EP300: variants seen among roughly 807,000 people sequenced by gnomAD.
The protein encoded by EP300 is histone acetyltransferase p300.
EP300 carries 31 observed loss-of-function variants against 264.0 expected under a neutral mutation model. The ratio of observed to expected loss-of-function variants is 0.12; its 90% CI spans 0.09 to 0.16. EP300 has a LOEUF of 0.16. Ranked by LOEUF, EP300 falls within the 10% of genes least tolerant of loss-of-function variation. The pLI, the probability that EP300 is intolerant of heterozygous loss-of-function variation, is 1.00. For missense variants in EP300, 2,766 were observed against 3,052.9 expected (o/e 0.91, Z 2.21); for synonymous variants, 1,340 against 1,045.4 (o/e 1.28, Z -5.44).
At chr22:41,136,817 T>C (rs2058953590) in intron 7 of EP300, among the ~76,000 whole-genome samples, 1 of 152,054 alleles carries the variant, frequency 6.6e-6, no homozygotes, top group Non-Finnish European at 1.5e-5. Flanking sequence ...CCCAGCACTT[T>C]GGGAGGCCGA....
At chr22:41,114,172 T>G (rs1160950116) in intron 1 of EP300, among the ~76,000 whole-genome samples, 2 of 150,378 alleles carry the variant, frequency 1.3e-5, no homozygotes, top group African/African-American at 4.9e-5. Flanking sequence ...CATTTGGGTA[T>G]TTGTTGTTGT....
Position 41,126,024 on chromosome 22 carries a change from G to A in EP300, c.890G>A (p.Gly297Glu), listed in dbSNP as rs910835301. 8 of 1,614,132 alleles carry A rather than the reference G, an allele frequency of 5.0e-6. No individual in the cohort carries two copies. The highest frequency in any genetic ancestry group is 6.8e-6 in the Non-Finnish European group (8 of 1,180,016). Reference sequence around the variant, plus strand: ...ATGGACAAAAAGGCAGTTCCTGGTGGAGGAATGCCCAACATGGTGAGTACT... The same window carrying A: ...ATGGACAAAAAGGCAGTTCCTGGTGAAGGAATGCCCAACATGGTGAGTACT... ...FAMDKKAVPGGGMPNMGQQPA... is the reference protein window; with the variant it reads ...FAMDKKAVPGEGMPNMGQQPA... Residue 297 changes from glycine to glutamate, a missense_variant, in exon 3 of 31, where the codon GGA becomes GAA. Coordinates refer to ENST00000263253, the MANE Select transcript of EP300 (RefSeq NM_001429.4).
At chr22:41,109,392 T>C (rs1269497724) in intron 1 of EP300, among the ~76,000 whole-genome samples, 1 of 152,180 alleles carries the variant, frequency 6.6e-6, no homozygotes, top group Non-Finnish European at 1.5e-5. Context: ...GATTACTGCT[T>C]GATGAACTCT....
intron 1 of EP300, among the ~76,000 whole-genome samples, chr22:41,099,357 A>G (rs1004784724): frequency 7.9e-5 from 12 of 152,204 alleles, no homozygotes; most frequent in Admixed American, 5.2e-4. Context: ...GTGGATATAC[A>G]GTAGTCCCCC....
Position 41,178,954 on chromosome 22 carries a change from TAG to T in EP300, c.*2_*3del, listed in dbSNP as rs1385527956. ...CTCACAGAGTACACTAGACATACAC[TAG>T]AGACACCTTGTAGTATTTTGGGAGC... ...NLSQSTLDIH[*>X] On this transcript the variant is annotated frameshift_variant and stop_lost, in exon 31 of 31. Coordinates refer to ENST00000263253, the MANE Select transcript of EP300 (RefSeq NM_001429.4). LOFTEE classifies it high-confidence loss of function. 1.9e-6 allele frequency: 3 copies of T among 1,607,308 alleles called. No individual in the cohort carries two copies. Among genetic ancestry groups the T allele is most frequent in the East Asian group, 4.5e-5 (2 of 44,892 alleles).
At chr22:41,160,820 A>G (rs908026536) in intron 20 of EP300, 98 bp downstream of exon 20, 1 of 1,122,056 alleles carries the variant, frequency 8.9e-7, no homozygotes, top group African/African-American at 1.5e-5. Context: ...GCTGTTGAAT[A>G]TGGTAGCCAT....
rs746999540 is a variant in EP300 at position 41,152,292 on chromosome 22, C to T, written c.3084C>T (p.Asp1028=). ...ELKTEIKEEE[D]QPSTSATQSS... Reference sequence around the variant, plus strand: ...AAACTGAAATAAAAGAGGAGGAAGACCAGCCAAGTACTTCAGCTACCCAGT... The same window carrying T: ...AAACTGAAATAAAAGAGGAGGAAGATCAGCCAAGTACTTCAGCTACCCAGT... The change falls in exon 16 of 31, where the codon GAC becomes GAT. Residue 1028 remains aspartate (D), a synonymous_variant. Coordinates refer to ENST00000263253, the MANE Select transcript of EP300 (RefSeq NM_001429.4). 9 of 1,614,066 alleles carry T rather than the reference C, an allele frequency of 5.6e-6. No homozygotes were observed. The South Asian group carries it at 9.9e-5, about 18-fold the overall frequency.
intron 14 of EP300, among the ~76,000 whole-genome samples, chr22:41,151,325 A>G (rs1038638831): frequency 5.3e-5 from 8 of 152,198 alleles, no homozygotes; most frequent in Admixed American, 4.6e-4. Context: ...ACTTCTCATT[A>G]AGAGATTTCT....
chr22:41,170,787 G>GA (rs2059165518), intron 27 of EP300, among the ~76,000 whole-genome samples: 1 of 150,594 alleles, frequency 6.6e-6, no homozygotes, highest in South Asian at 2.1e-4. Flanking sequence ...TCAGCCTCCT[G>GA]AGTAGCTGGG....
At chr22:41,095,461 C>T (rs1227656051) in intron 1 of EP300, among the ~76,000 whole-genome samples, 2 of 151,674 alleles carry the variant, frequency 1.3e-5, no homozygotes, top group Non-Finnish European at 2.9e-5. Context: ...CGATCTCCTG[C>T]CCTCAAGTGA....
intron 1 of EP300, chr22:41,108,240 T>TTTTC (rs1372542226): frequency 4.1e-5 from 6 of 146,260 alleles, no homozygotes; most frequent in African/African-American, 1.6e-4. Context: ...TTCTTTTTCT[T>TTTTC]TTTCTTTTTT....
Position 41,092,652 on chromosome 22 carries a change from G to A in EP300, c.-353G>A, listed in dbSNP as rs1314403301. 8 of 632,064 alleles carry A rather than the reference G, an allele frequency of 1.3e-5. No homozygotes were observed. In the East Asian group the frequency reaches 2.2e-4, roughly 17 times the overall value. The allele number at this position is 632,064 out of a possible 1,614,324, so 39.2% of individuals were successfully genotyped here. A position where few individuals can be genotyped will look rare whatever the true frequency, so the allele number is the denominator to read the frequency against. On this transcript the variant is annotated 5_prime_UTR_variant, in exon 1 of 31. Coordinates refer to ENST00000263253, the MANE Select transcript of EP300 (RefSeq NM_001429.4). ...TGATGGCGGCGGCGGAGCTCCGAGA[G>A]ACCTCGGCTGGGCAGGGGCCGGCCG...
chr22:41,160,484 A>AT lies in EP300; in HGVS notation c.3591-157dup. ...AACCAAAACCCAAACTGTGGGGCCC[A>AT]TATATCTGCATCATTGAATGTCCTT... On this transcript the variant is annotated intron_variant, in intron 19 of 30. Transcript: ENST00000263253. 13 of 659,236 alleles carry AT rather than the reference A, an allele frequency of 2.0e-5. No individual in the cohort carries two copies. In the South Asian group the frequency reaches 2.1e-4, roughly 11 times the overall value. The allele number at this position is 659,236 out of a possible 1,614,324, so 40.8% of individuals were successfully genotyped here. A position where few individuals can be genotyped will look rare whatever the true frequency, so the allele number is the denominator to read the frequency against.
At chr22:41,167,819 T>TG (rs2059147906) in intron 23 of EP300, among the ~76,000 whole-genome samples, 1 of 41,510 alleles carries the variant, frequency 2.4e-5, no homozygotes, top group African/African-American at 9.3e-5. Flanking sequence ...TTTTTGTTTT[T>TG]TTTTTTGTTT....
At chr22:41,095,772 A>T (rs117904036) in intron 1 of EP300, among the ~76,000 whole-genome samples, 3,726 of 152,208 alleles carry the variant, frequency 0.024, 162 homozygotes, top group East Asian at 0.21. Context: ...AAACTTTTTT[A>T]AAAAAAGTGA....
chr22:41,178,987 A>G lies in EP300; in HGVS notation c.*31A>G, dbSNP rs938259978. ...CCTTGTAGTATTTTGGGAGCAAAAAAATTATTTTCTCTTAACAAGACTTTT... is the reference window on the plus strand; with the variant it reads ...CCTTGTAGTATTTTGGGAGCAAAAAGATTATTTTCTCTTAACAAGACTTTT... On this transcript the variant is annotated 3_prime_UTR_variant, in exon 31 of 31. Transcript: ENST00000263253. 3 of 1,611,334 alleles carry G rather than the reference A, an allele frequency of 1.9e-6. No homozygotes were observed. In the African/African-American group the frequency reaches 4.0e-5, roughly 22 times the overall value.
rs757772388 is a variant in EP300, at chr22:41,173,753, A to G, written c.4748A>G (p.Lys1583Arg). The G allele has an allele frequency of 6.2e-7, 1 of 1,614,198 alleles. No individual in the cohort carries two copies. The highest frequency in any genetic ancestry group is 8.5e-7 in the Non-Finnish European group (1 of 1,180,034). Residue 1583 changes from lysine (K) to arginine (R), a missense_variant, in exon 29 of 31, where the codon AAA (lysine) becomes AGA (arginine). Physicochemically the swap from Lys to Arg is conservative, Grantham distance 26. Transcript: ENST00000263253. The stretch of plus-strand genomic sequence containing the variant: ...AATGTATCTAACGACCTCTCACAGA[A>G]ACTATATGCCACCATGGAGAAGCAT... ...MPNVSNDLSQ[K>R]LYATMEKHKE... is the part of the protein sequence containing the mutation.
chr22:41,120,737 A>T (rs567027933), intron 2 of EP300, among the ~76,000 whole-genome samples: 63 of 152,224 alleles, frequency 4.1e-4, no homozygotes, highest in South Asian at 1.9e-3. Flanking sequence ...TTTGTTTTTG[A>T]GACAGGATCT....
Position 41,149,822 on chromosome 22 carries a change from G to T in EP300, c.2441G>T (p.Gly814Val). The T allele has an allele frequency of 6.2e-7, 1 of 1,613,900 alleles. No homozygotes were observed. Among genetic ancestry groups the T allele is most frequent in the Non-Finnish European group, 8.5e-7 (1 of 1,179,990 alleles). ...NSPIMPPGSQ[G>V]SHIHCPQLPQ... is the part of the protein sequence containing the mutation. ...CCTATAATGCCTCCAGGGTCTCAGGGGAGCCACATTCACTGTCCCCAGCTT... is the reference window on the plus strand; with the variant it reads ...CCTATAATGCCTCCAGGGTCTCAGGTGAGCCACATTCACTGTCCCCAGCTT... Residue 814 changes from glycine to valine, a missense_variant, in exon 14 of 31, where the codon GGG becomes GTG. Physicochemically the swap from Gly to Val is moderately radical, Grantham distance 109. Transcript: ENST00000263253.
Sources: allele counts gnomAD v4.1 joint callset (sites outside exome capture counted in the v4.1 genomes callset), GRCh38; gene constraint gnomAD v4.1.1; transcripts MANE v1.5; gene names NCBI Gene and HGNC (gene_info 2026-07-23, HGNC 2026-07-21).